The following DHX57 variants were observed in gnomAD, a reference collection of about 807,000 sequenced individuals.
The protein encoded by DHX57 is putative ATP-dependent RNA helicase DHX57.
A neutral mutation model predicts 156.2 loss-of-function variants in DHX57; 105 were observed. That is an observed-to-expected ratio of 0.67 (90% CI 0.57 to 0.79). DHX57 has a LOEUF of 0.79. DHX57 is among the 30% of genes least tolerant of loss of function. DHX57 has a pLI of 0.00. For missense variants in DHX57, 1,847 were observed against 1,661.9 expected (o/e 1.11, Z -1.94); for synonymous variants, 704 against 595.6 (o/e 1.18, Z -2.65).
intron 12 of DHX57, among the ~76,000 whole-genome samples, chr2:38,838,555 T>C (rs541157333): frequency 6.6e-6 from 1 of 152,344 alleles, no homozygotes; most frequent in South Asian, 2.1e-4. Flanking sequence ...CAAATATTTA[T>C]TGAAAGCTTA....
chr2:38,871,950 C>T (rs569240999), intron 1 of DHX57, among the ~76,000 whole-genome samples: 6 of 152,042 alleles, frequency 3.9e-5, no homozygotes, highest in East Asian at 1.9e-4. Flanking sequence ...CCTTGTGATC[C>T]GCCTGCCTCG....
chr2:38,861,614 T>C lies in DHX57; in HGVS notation c.796A>G (p.Arg266Gly), dbSNP rs1346222262. The C allele has an allele frequency of 6.2e-7, 1 of 1,614,212 alleles. No homozygotes were observed. Among genetic ancestry groups the C allele is most frequent in the Non-Finnish European group, 8.5e-7 (1 of 1,180,036 alleles). The part of the protein sequence containing the change: ...KSICGEKFIE[R>G]IQNRVWTIGL... ...ATGGTCCAGACTCTGTTCTGAATTC[T>C]TTCTATAAATTTTTCTCCACAGATG... The change falls in exon 5 of 24, where the codon AGA becomes GGA. Residue 266 changes from arginine (R) to glycine (G), a missense_variant. Transcript: ENST00000457308.
Position 38,831,602 on chromosome 2 carries a change from C to G in DHX57, c.2543-3166G>C, listed in dbSNP as rs577941251. 3.9e-5 allele frequency among the ~76,000 whole-genome samples: 6 copies of G among 152,194 alleles called. No homozygotes were observed. The East Asian group carries it at 1.2e-3, about 29-fold the overall frequency. ...GGGCATGGTGGCTCACGCCTGTAAT[C>G]CCAGCACTTTGGGAGGCCAAAGCGG... On this transcript the variant is annotated intron_variant, in intron 13 of 23. Coordinates refer to ENST00000457308, the MANE Select transcript of DHX57 (RefSeq NM_198963.3).
intron 13 of DHX57, 33 bp from the exon 14 acceptor site, chr2:38,828,469 A>T: frequency 6.7e-7 from 1 of 1,498,442 alleles, no homozygotes; most frequent in Non-Finnish European, 9.1e-7. Context: ...TATGTGGGTA[A>T]GCATAGGCAC....
rs1670507860 is a variant in DHX57 at position 38,815,666 on chromosome 2, T to G, written c.3472-11A>C. 2.5e-6 allele frequency: 4 copies of G among 1,613,776 alleles called. No homozygotes were observed. The highest frequency in any genetic ancestry group is 3.4e-6 in the Non-Finnish European group (4 of 1,179,968). Reference sequence around the variant, plus strand: ...GAGGCTGGCCATTTCCTGAAAGAAGTGGAAAAACCTTTAAGCAAGGGCATC... The same window carrying G: ...GAGGCTGGCCATTTCCTGAAAGAAGGGGAAAAACCTTTAAGCAAGGGCATC... On this transcript the variant is annotated splice_polypyrimidine_tract_variant and intron_variant, in intron 19 of 23. Transcript: ENST00000457308.
intron 2 of DHX57, chr2:38,867,211 G>C (rs1046710571): frequency 6.6e-6 from 1 of 152,168 alleles, no homozygotes; most frequent in African/African-American, 2.4e-5. Flanking sequence ...TGTGTTGTAG[G>C]TTGTACCATC....
intron 22 of DHX57, among the ~76,000 whole-genome samples, chr2:38,804,268 A>C (rs1051397084): frequency 5.9e-5 from 9 of 152,138 alleles, no homozygotes; most frequent in Non-Finnish European, 1.0e-4. Flanking sequence ...AGGCAGGTGG[A>C]TCACCTGAGG....
chr2:38,869,151 T>G (rs964775729), intron 1 of DHX57, among the ~76,000 whole-genome samples: 1 of 152,240 alleles, frequency 6.6e-6, no homozygotes, highest in Non-Finnish European at 1.5e-5. Context: ...GTATTTAATA[T>G]ATGTTTTGAC....
intron 9 of DHX57, among the ~76,000 whole-genome samples, chr2:38,851,157 G>C (rs868171670): frequency 6.6e-6 from 1 of 151,880 alleles, no homozygotes; most frequent in Non-Finnish European, 1.5e-5. Flanking sequence ...AATCCCAATA[G>C]TGTTTGTGGA....
intron 13 of DHX57, 95 bp downstream of exon 13, chr2:38,837,736 T>C (rs778694580): frequency 6.2e-5 from 47 of 756,346 alleles, no homozygotes; most frequent in Non-Finnish European, 9.5e-5. Flanking sequence ...GTGTGCAGAG[T>C]CTGCATGTAA....
intron 11 of DHX57, among the ~76,000 whole-genome samples, chr2:38,846,385 G>T (rs1429441920): frequency 1.3e-5 from 2 of 152,014 alleles, no homozygotes; most frequent in African/African-American, 2.4e-5. Context: ...ACTTCGGGAG[G>T]CAAGGCAGGA....
chr2:38,807,204 G>T (rs540173868), intron 21 of DHX57, among the ~76,000 whole-genome samples: 1 of 151,760 alleles, frequency 6.6e-6, no homozygotes, highest in Non-Finnish European at 1.5e-5. Flanking sequence ...ACAAGTGTGC[G>T]CCACCACACC....
chr2:38,823,737 C>T (rs551747016), intron 16 of DHX57, among the ~76,000 whole-genome samples: 26 of 152,294 alleles, frequency 1.7e-4, no homozygotes, highest in South Asian at 1.5e-3. Context: ...AGAGGCCACG[C>T]GCAGTGGCTC....
In DHX57 at chr2:38,806,571, T is replaced by C. The variant is rs1206055740; in HGVS notation, c.3804A>G (p.Ser1268=). 1 of 1,614,024 alleles carries C rather than the reference T, an allele frequency of 6.2e-7. No individual in the cohort carries two copies. The highest frequency in any genetic ancestry group is 1.1e-5 in the South Asian group (1 of 91,036). ...NDGYVHIHPS[S]VNYQVRHFDS... ...CCACCATTCTGACCTGATAGTTCACTGATGAAGGGTGAATGTGTACATATC... is the reference window on the plus strand; with the variant it reads ...CCACCATTCTGACCTGATAGTTCACCGATGAAGGGTGAATGTGTACATATC... The change falls in exon 22 of 24, where the codon TCA becomes TCG. Residue 1268 remains serine, a synonymous_variant. Transcript: ENST00000457308.
At chr2:38,813,436 T>C (rs1221107520) in intron 21 of DHX57, among the ~76,000 whole-genome samples, 1 of 151,594 alleles carries the variant, frequency 6.6e-6, no homozygotes, top group Non-Finnish European at 1.5e-5. Context: ...AGTGGCGCAA[T>C]CTCGGCTCAT....
At chr2:38,815,061 T>G (rs944870696) in intron 20 of DHX57, among the ~76,000 whole-genome samples, 1 of 147,396 alleles carries the variant, frequency 6.8e-6, no homozygotes. Flanking sequence ...CTTAAAAAAA[T>G]TTTTTTATAC....
At chr2:38,829,009 C>T (rs1214157905) in intron 13 of DHX57, among the ~76,000 whole-genome samples, 3 of 152,092 alleles carry the variant, frequency 2.0e-5, no homozygotes, top group African/African-American at 4.8e-5. Flanking sequence ...TGCGCGATCA[C>T]GGCTCACTGC....
At position 38,846,979 on chromosome 2, in the gene DHX57, C is replaced by T. The variant is rs768514725; in HGVS notation, c.2219+40G>A. The T allele has an allele frequency of 1.0e-5, 16 of 1,555,014 alleles. No homozygotes were observed. In the South Asian group the frequency reaches 1.7e-4, roughly 16 times the overall value. The stretch of plus-strand genomic sequence containing the variant: ...AGAATTACAGGGATGAACCACCATG[C>T]CAGGTCCTTTCACTGAATCTTAATT... On this transcript the variant is annotated intron_variant, in intron 11 of 23. Coordinates refer to ENST00000457308, the MANE Select transcript of DHX57 (RefSeq NM_198963.3).
At chr2:38,854,563 T>TTG (rs1553334136) in intron 8 of DHX57, 261 of 140,814 alleles carry the variant, frequency 1.9e-3, no homozygotes, top group South Asian at 4.7e-3. Context: ...AGAGTTTTTT[T>TTG]TTTTTTTTTT....
Sources: gnomAD v4.1 joint callset for allele counts (sites outside exome capture counted in the v4.1 genomes callset) on GRCh38, gnomAD v4.1.1 for gene constraint, MANE v1.5 for transcripts, NCBI Gene and HGNC (gene_info 2026-07-23, HGNC 2026-07-21) for gene names.